The following PABPC4L variants were observed in gnomAD, a reference collection of about 807,000 sequenced individuals.
PABPC4L encodes the protein poly(A) binding protein cytoplasmic 4 like, also known as polyadenylate-binding protein 4-like.
For synonymous variants in PABPC4L, 169 were observed against 164.1 expected (o/e 1.03, Z -0.23); for missense variants, 452 against 451.4 (o/e 1.00, Z -0.01).
At chr4:134,039,414 A>T in the PABPC4L span, among the ~76,000 whole-genome samples, 1 of 152,188 alleles carries the variant, frequency 6.6e-6, no homozygotes, top group African/African-American at 2.4e-5. Context: ...TCTAATATTG[A>T]CAGTGGGGTA....
chr4:134,001,729 T>C, the PABPC4L span, among the ~76,000 whole-genome samples: 1 of 152,278 alleles, frequency 6.6e-6, no homozygotes, highest in East Asian at 1.9e-4. Flanking sequence ...ATACATACTA[T>C]ATAAAATAAT....
chr4:134,194,754 A>T (rs1372817526), downstream of PABPC4L, among the ~76,000 whole-genome samples: 2 of 151,804 alleles, frequency 1.3e-5, no homozygotes, highest in Non-Finnish European at 3.0e-5. Context: ...CTATCCTGAC[A>T]GTTTTAAAAG....
At chr4:134,149,034 CA>C in the PABPC4L span, among the ~76,000 whole-genome samples, 1 of 152,070 alleles carries the variant, frequency 6.6e-6, no homozygotes, top group Non-Finnish European at 1.5e-5. Flanking sequence ...TTCTATGTAT[CA>C]GAAATATATT....
the PABPC4L span, among the ~76,000 whole-genome samples, chr4:134,001,487 G>A: frequency 6.6e-6 from 1 of 151,998 alleles, no homozygotes; most frequent in Non-Finnish European, 1.5e-5. Flanking sequence ...TCATGAGCAG[G>A]ACTTTACTAG....
chr4:134,057,061 T>G, the PABPC4L span, among the ~76,000 whole-genome samples: 248 of 152,194 alleles, frequency 1.6e-3, no homozygotes, highest in African/African-American at 5.5e-3. Context: ...TCTCCATTCC[T>G]ATTTTTCTGG....
the PABPC4L span, among the ~76,000 whole-genome samples, chr4:134,183,205 C>A: frequency 6.6e-6 from 1 of 151,770 alleles, no homozygotes; most frequent in African/African-American, 2.4e-5. Context: ...GGAATCCACC[C>A]AAATGCTCAT....
chr4:133,999,112 A>G, the PABPC4L span, among the ~76,000 whole-genome samples: 1 of 151,978 alleles, frequency 6.6e-6, no homozygotes, highest in Admixed American at 6.6e-5. Flanking sequence ...CCTTTGTCCA[A>G]TCATACTGTT....
chr4:134,057,774 G>A, the PABPC4L span, among the ~76,000 whole-genome samples: 1 of 152,052 alleles, frequency 6.6e-6, no homozygotes, highest in Non-Finnish European at 1.5e-5. Context: ...TCAACACCAT[G>A]TCATTTCTTG....
chr4:134,092,033 A>T, the PABPC4L span, among the ~76,000 whole-genome samples: 1 of 151,950 alleles, frequency 6.6e-6, no homozygotes, highest in Admixed American at 6.6e-5. Flanking sequence ...CTTCATTTTC[A>T]ATGCTCTGGA....
At chr4:134,125,574 T>A in the PABPC4L span, among the ~76,000 whole-genome samples, 71,652 of 151,094 alleles carry the variant, frequency 0.47, 20,175 homozygotes, top group East Asian at 0.98. Context: ...TTAAATAAAT[T>A]AAAAGATCAT....
chr4:134,101,426 T>C, the PABPC4L span, among the ~76,000 whole-genome samples: 1 of 151,494 alleles, frequency 6.6e-6, no homozygotes, highest in Non-Finnish European at 1.5e-5. Flanking sequence ...AAATTCTGCT[T>C]TCCAACATAA....
chr4:134,059,053 G>A, the PABPC4L span, among the ~76,000 whole-genome samples: 2 of 151,906 alleles, frequency 1.3e-5, no homozygotes, highest in African/African-American at 2.4e-5. Context: ...GGGGGTAAAC[G>A]GTAAGGCTGA....
chr4:134,079,578 CAAAAAAAAAAAAA>C, the PABPC4L span, among the ~76,000 whole-genome samples: 39 of 90,688 alleles, frequency 4.3e-4, no homozygotes, highest in Non-Finnish European at 7.5e-4. Flanking sequence ...GACTTCCTCT[CAAAAAAAAAAAAA>C]AAAAAAAAAA....
the PABPC4L span, among the ~76,000 whole-genome samples, chr4:134,166,137 T>C: frequency 6.6e-6 from 1 of 151,808 alleles, no homozygotes; most frequent in Non-Finnish European, 1.5e-5. Context: ...GCCAGGAGGG[T>C]TGGAGTGAGG....
At chr4:134,154,976 T>TAA in the PABPC4L span, among the ~76,000 whole-genome samples, 3 of 152,062 alleles carry the variant, frequency 2.0e-5, no homozygotes, top group African/African-American at 7.2e-5. Flanking sequence ...TCTTTATATA[T>TAA]AACATTATTA....
the PABPC4L span, among the ~76,000 whole-genome samples, chr4:134,001,341 T>C: frequency 6.6e-6 from 1 of 151,886 alleles, no homozygotes; most frequent in Non-Finnish European, 1.5e-5. Context: ...GAAGTCATAT[T>C]ATACATTATC....
the PABPC4L span, among the ~76,000 whole-genome samples, chr4:134,001,450 G>A: frequency 3.0e-4 from 46 of 152,144 alleles, no homozygotes; most frequent in African/African-American, 1.1e-3. Context: ...TCAACCAGTT[G>A]CCTTGAGCAA....
chr4:134,013,991 C>A, the PABPC4L span, among the ~76,000 whole-genome samples: 29 of 152,096 alleles, frequency 1.9e-4, no homozygotes, highest in African/African-American at 6.8e-4. Flanking sequence ...GTGGCTGGAG[C>A]TAAAGGCATA....
the PABPC4L span, among the ~76,000 whole-genome samples, chr4:133,963,641 T>A: frequency 6.6e-6 from 1 of 152,036 alleles, no homozygotes; most frequent in African/African-American, 2.4e-5. Flanking sequence ...TTTCAAGCAC[T>A]CTCTCTGACC....
Sources: gnomAD v4.1 joint callset for allele counts (sites outside exome capture counted in the v4.1 genomes callset) on GRCh38, gnomAD v4.1.1 for gene constraint, MANE v1.5 for transcripts, NCBI Gene and HGNC (gene_info 2026-07-23, HGNC 2026-07-21) for gene names.